Variants in ARHGAP10 observed in about 807,000 individuals in gnomAD.
The protein encoded by ARHGAP10 is rho GTPase-activating protein 10.
A neutral mutation model predicts 108.6 loss-of-function variants in ARHGAP10; 87 were observed. The observed-to-expected ratio is 0.80, with a 90% CI of 0.67 to 0.96. ARHGAP10 has a LOEUF of 0.96. Among genes scored for constraint, ARHGAP10 ranks in the 40% least tolerant of loss-of-function variants. The pLI, the probability that ARHGAP10 is intolerant of heterozygous loss-of-function variation, is 0.00. For missense variants in ARHGAP10, 939 were observed against 954.5 expected (o/e 0.98, Z 0.21); for synonymous variants, 347 against 341.1 (o/e 1.02, Z -0.19).
At chr4:147,732,592 C>T (rs558072889) in intron 1 of ARHGAP10, 137 bp downstream of exon 1, 10 of 1,263,888 alleles carry the variant, frequency 7.9e-6, no homozygotes, top group Non-Finnish European at 5.4e-6. Context: ...ACCAGCCCAG[C>T]TCTCTCGGAA....
intron 1 of ARHGAP10, among the ~76,000 whole-genome samples, chr4:147,753,895 TAGAG>T (rs1729266254): frequency 1.3e-5 from 2 of 152,156 alleles, no homozygotes; most frequent in South Asian, 4.1e-4. Flanking sequence ...AATTTGTGGT[TAGAG>T]AGATTAACAA....
At chr4:147,869,926 G>A (rs1734733973) in intron 7 of ARHGAP10, among the ~76,000 whole-genome samples, 1 of 151,240 alleles carries the variant, frequency 6.6e-6, no homozygotes. Context: ...ATTCCTTGAT[G>A]TCAGTTTTTT....
intron 13 of ARHGAP10, among the ~76,000 whole-genome samples, chr4:147,922,096 T>G (rs1737254951): frequency 6.6e-6 from 1 of 152,016 alleles, no homozygotes; most frequent in African/African-American, 2.4e-5. Context: ...TTGTCCAGGT[T>G]TGCAAGGATG....
chr4:148,064,660 C>T (rs1215693373), intron 22 of ARHGAP10, among the ~76,000 whole-genome samples, 153 bp downstream of exon 22: 1 of 152,180 alleles, frequency 6.6e-6, no homozygotes, highest in Admixed American at 6.5e-5. Context: ...GTTAGGCTCC[C>T]AGACCCCAAT....
At chr4:147,954,507 A>G (rs1465800813) in intron 15 of ARHGAP10, among the ~76,000 whole-genome samples, 1 of 151,324 alleles carries the variant, frequency 6.6e-6, no homozygotes, top group Non-Finnish European at 1.5e-5. Context: ...TTGTTTGTGC[A>G]TCTTTGATTT....
At chr4:147,797,500 C>T (rs1195913279) in intron 1 of ARHGAP10, among the ~76,000 whole-genome samples, 2 of 152,136 alleles carry the variant, frequency 1.3e-5, no homozygotes, top group African/African-American at 4.8e-5. Flanking sequence ...GCAGCCTCCG[C>T]CTCCCAGGTT....
rs1270298179 is a variant in ARHGAP10, at chr4:147,957,989, A to G, written c.1450+2615A>G. Among the ~76,000 whole-genome samples, 35 of 152,222 alleles carry G rather than the reference A, an allele frequency of 2.3e-4. 1 individual carries two copies. The highest frequency in any genetic ancestry group is 4.4e-5 in the Non-Finnish European group (3 of 68,038). On this transcript the variant is annotated intron_variant, in intron 16 of 22. Coordinates refer to ENST00000336498, the MANE Select transcript of ARHGAP10 (RefSeq NM_024605.4). Reference sequence around the variant, plus strand: ...TTCTCCGTTAGCTGAATTCCAAACTAAACTTATAAAAGGAACCCAGTAGAC... The same window carrying G: ...TTCTCCGTTAGCTGAATTCCAAACTGAACTTATAAAAGGAACCCAGTAGAC...
At chr4:148,050,638 G>T (rs990423908) in intron 20 of ARHGAP10, among the ~76,000 whole-genome samples, 1 of 152,192 alleles carries the variant, frequency 6.6e-6, no homozygotes, top group Middle Eastern at 3.4e-3. Context: ...CTCCCAAAGT[G>T]CTGGGATTAC....
intron 13 of ARHGAP10, among the ~76,000 whole-genome samples, chr4:147,929,051 A>G (rs932450480): frequency 1.3e-5 from 2 of 152,184 alleles, no homozygotes; most frequent in Non-Finnish European, 2.9e-5. Context: ...GTAATAATTT[A>G]TATTTTGTAA....
At chr4:147,971,468 C>T (rs951446648) in intron 18 of ARHGAP10, among the ~76,000 whole-genome samples, 11 of 152,074 alleles carry the variant, frequency 7.2e-5, no homozygotes, top group South Asian at 2.1e-4. Context: ...GAGAAAGTGG[C>T]GGAGACTTCA....
chr4:148,040,005 C>T (rs1284884394), intron 19 of ARHGAP10, among the ~76,000 whole-genome samples: 1 of 152,148 alleles, frequency 6.6e-6, no homozygotes, highest in Non-Finnish European at 1.5e-5. Context: ...TTTACAAGTC[C>T]ATGGTGAAGG....
chr4:147,766,833 TATATA>T (rs1729852078), intron 1 of ARHGAP10, among the ~76,000 whole-genome samples: 1 of 109,886 alleles, frequency 9.1e-6, no homozygotes, highest in Non-Finnish European at 1.8e-5. Context: ...TATATATATA[TATATA>T]TTTATTTATT....
intron 18 of ARHGAP10, among the ~76,000 whole-genome samples, chr4:147,972,324 T>A (rs905147259): frequency 3.3e-5 from 5 of 152,156 alleles, no homozygotes; most frequent in Admixed American, 1.3e-4. Flanking sequence ...CACTTAAAAA[T>A]ATATATATAA....
chr4:147,886,447 C>G (rs1735567579), intron 10 of ARHGAP10, among the ~76,000 whole-genome samples: 1 of 152,222 alleles, frequency 6.6e-6, no homozygotes, highest in African/African-American at 2.4e-5. Context: ...CTTTCTCTTT[C>G]TACCACCTTC....
At chr4:148,037,241 G>T (rs949626512) in intron 19 of ARHGAP10, among the ~76,000 whole-genome samples, 1 of 152,154 alleles carries the variant, frequency 6.6e-6, no homozygotes, top group Non-Finnish European at 1.5e-5. Context: ...CTCAGAATTG[G>T]AAGTCTTGAA....
chr4:147,866,679 T>G, intron 6 of ARHGAP10, 33 bp from the exon 7 acceptor site: 1 of 1,507,798 alleles, frequency 6.6e-7, no homozygotes, highest in Non-Finnish European at 9.1e-7. Context: ...TGAGTTTTTT[T>G]GTGCTAATAT....
At chr4:147,950,545 T>C (rs1014727351) in intron 15 of ARHGAP10, among the ~76,000 whole-genome samples, 1 of 152,148 alleles carries the variant, frequency 6.6e-6, no homozygotes, top group African/African-American at 2.4e-5. Flanking sequence ...CCCAGCTATC[T>C]TATTGGATGG....
chr4:147,936,317 C>CT (rs765432394), intron 13 of ARHGAP10, among the ~76,000 whole-genome samples: 70,546 of 98,108 alleles, frequency 0.72, 27,637 homozygotes, highest in Non-Finnish European at 0.83. Context: ...CTTTTCCTCT[C>CT]TTTTTTTTTT....
At chr4:147,799,903 CT>C (rs979582659) in intron 1 of ARHGAP10, among the ~76,000 whole-genome samples, 1 of 151,856 alleles carries the variant, frequency 6.6e-6, no homozygotes, top group Non-Finnish European at 1.5e-5. Flanking sequence ...TTTTGCCTAT[CT>C]TTTTTTTGGG....
Sources: allele counts gnomAD v4.1 joint callset (sites outside exome capture counted in the v4.1 genomes callset), GRCh38; gene constraint gnomAD v4.1.1; transcripts MANE v1.5; gene names NCBI Gene and HGNC (gene_info 2026-07-23, HGNC 2026-07-21).